The following AK3 variants were observed in gnomAD, a reference collection of about 807,000 sequenced individuals.
AK3 encodes adenylate kinase 3.
Under a neutral mutation model 23.7 loss-of-function variants are expected in AK3, and 27 were observed. The observed-to-expected ratio is 1.14, with a 90% CI of 0.84 to 1.57. The LOEUF (loss-of-function observed/expected upper bound fraction) is 1.57, where lower values mean the gene tolerates loss of function less well. Among genes scored for constraint, AK3 ranks in the 40% most tolerant of loss-of-function variants. The pLI is 0.00. For synonymous variants in AK3, 159 were observed against 116.0 expected (o/e 1.37, Z -2.38); for missense variants, 406 against 285.6 (o/e 1.42, Z -3.04).
At chr9:4,735,310 T>G (rs1413390948) in intron 1 of AK3, among the ~76,000 whole-genome samples, 1 of 74,088 alleles carries the variant, frequency 1.3e-5, no homozygotes, top group East Asian at 3.1e-4. Context: ...TATACATATA[T>G]AAATATATAT....
At chr9:4,720,266 A>T (rs142894225) in intron 2 of AK3, among the ~76,000 whole-genome samples, 2 of 152,224 alleles carry the variant, frequency 1.3e-5, no homozygotes, top group Non-Finnish European at 2.9e-5. Flanking sequence ...ACCCAAGTAT[A>T]TTAGGGAATT....
At chr9:4,737,837 A>G (rs539876084) in intron 1 of AK3, among the ~76,000 whole-genome samples, 55 of 152,358 alleles carry the variant, frequency 3.6e-4, no homozygotes, top group African/African-American at 1.2e-3. Flanking sequence ...GCTACTGTCA[A>G]TGAGTTGCCT....
chr9:4,736,996 C>A (rs28522705), intron 1 of AK3, among the ~76,000 whole-genome samples: 28,413 of 151,926 alleles, frequency 0.19, 3,169 homozygotes, highest in East Asian at 0.44. Flanking sequence ...GTCTCTGAGA[C>A]GCACTATGCT....
intron 1 of AK3, among the ~76,000 whole-genome samples, chr9:4,733,580 C>T (rs1372194964): frequency 1.3e-5 from 2 of 152,140 alleles, no homozygotes; most frequent in South Asian, 2.1e-4. Context: ...ACCATTGTTC[C>T]TCCCGCTCAC....
intron 2 of AK3, among the ~76,000 whole-genome samples, chr9:4,722,077 G>C (rs10118925): frequency 0.029 from 4,424 of 152,280 alleles, 205 homozygotes; most frequent in African/African-American, 0.1. Context: ...CCCAGTTTTA[G>C]TGAGAGCTGA....
intron 1 of AK3, among the ~76,000 whole-genome samples, chr9:4,738,275 C>G (rs1010097559): frequency 6.6e-6 from 1 of 152,172 alleles, no homozygotes. Flanking sequence ...AAGTGATTCT[C>G]CTGCCTCAGC....
intron 2 of AK3, among the ~76,000 whole-genome samples, chr9:4,721,449 C>G (rs1483192207): frequency 6.7e-6 from 1 of 150,308 alleles, no homozygotes; most frequent in Non-Finnish European, 1.5e-5. Flanking sequence ...ACATTACTCT[C>G]TGTTCACATC....
intron 1 of AK3, among the ~76,000 whole-genome samples, chr9:4,723,422 C>T (rs773141259): frequency 6.6e-6 from 1 of 152,146 alleles, no homozygotes; most frequent in Non-Finnish European, 1.5e-5. Context: ...TGACACAATT[C>T]AGTTTTTAAC....
At chr9:4,729,015 A>ATTT (rs375640249) in intron 1 of AK3, among the ~76,000 whole-genome samples, 1,777 of 129,396 alleles carry the variant, frequency 0.014, 68 homozygotes, top group African/African-American at 0.05. Context: ...ATATATATAT[A>ATTT]TTTTTTTTTT....
At chr9:4,731,791 T>C (rs10758646) in intron 1 of AK3, among the ~76,000 whole-genome samples, 70,044 of 151,960 alleles carry the variant, frequency 0.46, 19,250 homozygotes, top group East Asian at 0.74. Flanking sequence ...TTGAACAACA[T>C]GGATTTGAAC....
At chr9:4,731,994 T>C (rs1199732491) in intron 1 of AK3, among the ~76,000 whole-genome samples, 2 of 152,202 alleles carry the variant, frequency 1.3e-5, no homozygotes, top group Admixed American at 6.5e-5. Context: ...CTGACATCCA[T>C]GCTGGACTGC....
rs573233342 is a variant in AK3, at chr9:4,710,203, T to G, written c.*2773A>C. ...CTATAAAATAAATCAGTTGAGGTGC[T>G]GTTCTCCCTGGCTTTTTTTTTTGAG... On this transcript the variant is annotated 3_prime_UTR_variant, in exon 5 of 5. Coordinates refer to ENST00000381809, the MANE Select transcript of AK3 (RefSeq NM_016282.4). The G allele has an allele frequency of 6.6e-6, 1 of 152,308 alleles. No individual in the cohort carries two copies. The highest frequency in any genetic ancestry group is 1.9e-4 in the East Asian group (1 of 5,172). The allele number at this position is 152,308 out of a possible 1,614,324, so 9.4% of individuals were successfully genotyped here.
At chr9:4,740,060 C>CAA (rs1166971578) in intron 1 of AK3, among the ~76,000 whole-genome samples, 2,324 of 113,218 alleles carry the variant, frequency 0.021, 91 homozygotes, top group African/African-American at 0.064. Context: ...GCTATCCTTA[C>CAA]AAAAAAAAAA....
rs539809106 is a variant in AK3, at chr9:4,710,072, T to A, written c.*2904A>T. On this transcript the variant is annotated 3_prime_UTR_variant, in exon 5 of 5. Coordinates refer to ENST00000381809, the MANE Select transcript of AK3 (RefSeq NM_016282.4). ...GAGATTTGAGCCAGTATTTAAACTA[T>A]TTGAAATGGAACTGACAGAAATTTC... The A allele has an allele frequency of 1.6e-4, 24 of 152,340 alleles. No individual in the cohort carries two copies. The highest frequency in any genetic ancestry group is 5.5e-4 in the African/African-American group (23 of 41,574). The allele number at this position is 152,340 out of a possible 1,614,324, so 9.4% of individuals were successfully genotyped here. A position where few individuals can be genotyped will look rare whatever the true frequency, so the allele number is the denominator to read the frequency against.
Position 4,741,151 on chromosome 9 carries a change from C to T in AK3, c.-64G>A, listed in dbSNP as rs1842424125. ...CTTTGGCCTGGCCTGCGCGCTCACCCGCTCGGCAGCCTGCGCCGGCCGGCT... is the reference window on the plus strand; with the variant it reads ...CTTTGGCCTGGCCTGCGCGCTCACCTGCTCGGCAGCCTGCGCCGGCCGGCT... On this transcript the variant is annotated 5_prime_UTR_variant, in exon 1 of 5. Coordinates refer to ENST00000381809, the MANE Select transcript of AK3 (RefSeq NM_016282.4). The T allele has an allele frequency of 3.0e-6, 4 of 1,335,230 alleles. 1 individual carries two copies. In the South Asian group the frequency reaches 7.8e-5, roughly 26 times the overall value. The allele number at this position is 1,335,230 out of a possible 1,614,324, so 82.7% of individuals were successfully genotyped here.
At position 4,729,011 on chromosome 9, in the gene AK3, A is replaced by AT. The variant is rs1320447220; in HGVS notation, c.152-6387dup. 7.6e-4 allele frequency among the ~76,000 whole-genome samples: 79 copies of AT among 103,550 alleles called. 2 individuals carry two copies. Among genetic ancestry groups the AT allele is most frequent in the Middle Eastern group, 5.6e-3 (1 of 180 alleles). The allele number at this position is 103,550 out of a possible 152,430, so 67.9% of individuals were successfully genotyped here. A position where few individuals can be genotyped will look rare whatever the true frequency, so the allele number is the denominator to read the frequency against. ...TACACACACACACATATATATATAT[A>AT]TATATTTTTTTTTTTTGAGACGGAA... is the stretch of plus-strand genomic sequence containing the variant. On this transcript the variant is annotated intron_variant, in intron 1 of 4. Coordinates refer to ENST00000381809, the MANE Select transcript of AK3 (RefSeq NM_016282.4).
At position 4,710,754 on chromosome 9, in the gene AK3, A is replaced by C. The variant is rs967658852; in HGVS notation, c.*2222T>G. On this transcript the variant is annotated 3_prime_UTR_variant, in exon 5 of 5. Transcript: ENST00000381809. ...TATCGAGACGCCGTCTCTACAAAAAAATAAAATTAGCCAGGCATGGTGGTA... is the reference window on the plus strand; with the variant it reads ...TATCGAGACGCCGTCTCTACAAAAACATAAAATTAGCCAGGCATGGTGGTA... 8.8e-6 allele frequency: 1 copy of C among 113,690 alleles called. No individual in the cohort carries two copies. The highest frequency in any genetic ancestry group is 2.9e-5 in the African/African-American group (1 of 33,942). 7.0% of individuals were successfully genotyped at this position (113,690 alleles called of 1,614,324 possible).
In AK3 at chr9:4,719,265, G is replaced by T; in HGVS notation, c.314C>A (p.Ala105Asp). 1 of 1,584,974 alleles carries T rather than the reference G, an allele frequency of 6.3e-7. No individual in the cohort carries two copies. The highest frequency in any genetic ancestry group is 8.6e-7 in the Non-Finnish European group (1 of 1,163,428). Residue 105 changes from alanine to aspartate, a missense_variant, in exon 3 of 5, where the codon GCT becomes GAT. Coordinates refer to ENST00000381809, the MANE Select transcript of AK3 (RefSeq NM_016282.4). The stretch of plus-strand genomic sequence containing the variant: ...GTTAATCACTGTGTCGATCTGATAA[G>T]CTCTATCTAGGGCTTCTGCCTGTGG... The part of the protein sequence containing the change: ...TLPQAEALDR[A>D]YQIDTVINLN...
At chr9:4,719,417 T>G in intron 2 of AK3, 110 bp from the exon 3 acceptor site, 13 of 985,600 alleles carry the variant, frequency 1.3e-5, no homozygotes, top group Non-Finnish European at 1.7e-5. Flanking sequence ...TGTTGGACAA[T>G]CTGAACAAAA....
Sources: gnomAD v4.1 joint callset for allele counts (sites outside exome capture counted in the v4.1 genomes callset) on GRCh38, gnomAD v4.1.1 for gene constraint, MANE v1.5 for transcripts, NCBI Gene and HGNC (gene_info 2026-07-23, HGNC 2026-07-21) for gene names.